NWD1: variants seen among roughly 807,000 people sequenced by gnomAD.
NWD1 encodes the protein NACHT domain- and WD repeat-containing protein 1.
A neutral mutation model predicts 135.1 loss-of-function variants in NWD1; 129 were observed. The ratio of observed to expected loss-of-function variants is 0.96; its 90% CI spans 0.83 to 1.11. The LOEUF (loss-of-function observed/expected upper bound fraction) is 1.11, where lower values mean the gene tolerates loss of function less well. Among genes scored for constraint, NWD1 ranks in the 50% least tolerant of loss-of-function variants. NWD1 has a pLI of 0.00. For synonymous variants in NWD1, 773 were observed against 786.0 expected (o/e 0.98, Z 0.28); for missense variants, 1,740 against 1,851.3 (o/e 0.94, Z 1.10).
chr19:16,757,236 C>G (rs1017313262), intron 6 of NWD1, among the ~76,000 whole-genome samples: 1 of 152,060 alleles, frequency 6.6e-6, no homozygotes, highest in African/African-American at 2.4e-5. Context: ...GGACTGCTGC[C>G]CTACAACACA....
intron 12 of NWD1, among the ~76,000 whole-genome samples, chr19:16,781,069 G>A (rs1414743795): frequency 1.3e-5 from 2 of 152,150 alleles, no homozygotes; most frequent in Non-Finnish European, 2.9e-5. Flanking sequence ...CAGATCCTAA[G>A]TAAGGTTGTT....
At chr19:16,785,075 G>T (rs1277491503) in intron 12 of NWD1, among the ~76,000 whole-genome samples, 1 of 152,070 alleles carries the variant, frequency 6.6e-6, no homozygotes, top group Non-Finnish European at 1.5e-5. Context: ...GTGGCCAGGG[G>T]TTAGGGGAGG....
In NWD1 at chr19:16,742,393, A is replaced by C. The variant is rs565931347; in HGVS notation, c.199-2028A>C. ...CCATCTCAAAAAAATAAAATAAATAATAAATAAATAAATATCTGTGGGCTG... is the reference window on the plus strand; with the variant it reads ...CCATCTCAAAAAAATAAAATAAATACTAAATAAATAAATATCTGTGGGCTG... On this transcript the variant is annotated intron_variant, in intron 4 of 18. Coordinates refer to ENST00000524140, the MANE Select transcript of NWD1 (RefSeq NM_001007525.5). Among the ~76,000 whole-genome samples, 4 of 152,112 alleles carry C rather than the reference A, an allele frequency of 2.6e-5. No homozygotes were observed. The East Asian group carries it at 7.7e-4, about 29-fold the overall frequency.
intron 13 of NWD1, among the ~76,000 whole-genome samples, chr19:16,789,713 TCTC>T (rs1970175261): frequency 7.3e-6 from 1 of 136,450 alleles, no homozygotes; most frequent in Non-Finnish European, 1.6e-5. Context: ...CTCTCCTCTC[TCTC>T]TTTTTTTTTT....
At chr19:16,793,168 TACA>T (rs1356600265) in intron 14 of NWD1, among the ~76,000 whole-genome samples, 3 of 152,138 alleles carry the variant, frequency 2.0e-5, no homozygotes, top group Admixed American at 2.0e-4. Flanking sequence ...AGGTACCAAA[TACA>T]ACAACGAAAG....
Position 16,731,215 on chromosome 19 carries a change from C to A in NWD1, c.18C>A (p.Pro6=), listed in dbSNP as rs1967546613. 6.5e-7 allele frequency: 1 copy of A among 1,534,158 alleles called. No homozygotes were observed. Among genetic ancestry groups the A allele is most frequent in the Non-Finnish European group, 8.7e-7 (1 of 1,145,132 alleles). ...AGATATGGATGCAGAGAGGGAAGCC[C>A]TGCAGAGCACTGCCTACCCTGAAGT... is the stretch of plus-strand genomic sequence containing the variant. The part of the protein sequence containing the change: MQRGK[P]CRALPTLKCQ... Residue 6 remains proline (P), a synonymous_variant, in exon 3 of 19, where the codon CCC becomes CCA. Coordinates refer to ENST00000524140, the MANE Select transcript of NWD1 (RefSeq NM_001007525.5).
Position 16,750,054 on chromosome 19 carries a change from G to T in NWD1, c.1412G>T (p.Gly471Val). Reference sequence around the variant, plus strand: ...CACCTCATCCTCTCAGCTTGCTCGGGGGCACTGGGGGTTTTGGACACCTTG... The same window carrying T: ...CACCTCATCCTCTCAGCTTGCTCGGTGGCACTGGGGGTTTTGGACACCTTG... ...RVHLILSACS[G>V]ALGVLDTLQR... The change falls in exon 6 of 19, where the codon GGG becomes GTG. Residue 471 changes from glycine (G) to valine (V), a missense_variant. Gly to Val is a moderately radical substitution (Grantham distance 109). Coordinates refer to ENST00000524140, the MANE Select transcript of NWD1 (RefSeq NM_001007525.5). 6.2e-7 allele frequency: 1 copy of T among 1,613,914 alleles called. No individual in the cohort carries two copies.
intron 6 of NWD1, among the ~76,000 whole-genome samples, chr19:16,754,815 C>CATCA (rs1968725748): frequency 6.6e-6 from 1 of 151,860 alleles, no homozygotes; most frequent in African/African-American, 2.4e-5. Flanking sequence ...TCCATCCATC[C>CATCA]ATCCACACAT....
At chr19:16,781,189 C>T (rs773926) in intron 12 of NWD1, among the ~76,000 whole-genome samples, 13,909 of 152,116 alleles carry the variant, frequency 0.091, 1,082 homozygotes, top group African/African-American at 0.21. Context: ...AGACGAGGGT[C>T]GGGACTAGGA....
rs555481976 is a variant in NWD1, at chr19:16,749,383, C to T, written c.741C>T (p.Ser247=). The part of the protein sequence containing the change: ...GVLKTHRLPW[S]RDLVNPKNKT... ...TCAAGACCCACCGCCTGCCGTGGAG[C>T]CGCGACTTGGTGAACCCCAAGAACA... The change falls in exon 6 of 19, where the codon AGC becomes AGT. Residue 247 remains serine (S), a synonymous_variant. Transcript: ENST00000524140. 2 of 1,613,812 alleles carry T rather than the reference C, an allele frequency of 1.2e-6. No individual in the cohort carries two copies. Among genetic ancestry groups the T allele is most frequent in the African/African-American group, 1.3e-5 (1 of 75,026 alleles).
Position 16,747,556 on chromosome 19 carries a change from A to G in NWD1, c.497-1583A>G, listed in dbSNP as rs1025835267. The stretch of plus-strand genomic sequence containing the variant: ...CACAGGTGGCTAACTTATTTTTTGT[A>G]GAGACGGGGTTTTGCCGTTTTGCAC... On this transcript the variant is annotated intron_variant, in intron 5 of 18. Coordinates refer to ENST00000524140, the MANE Select transcript of NWD1 (RefSeq NM_001007525.5). 5.9e-5 allele frequency among the ~76,000 whole-genome samples: 9 copies of G among 151,414 alleles called. No homozygotes were observed. The East Asian group carries it at 7.8e-4, about 13-fold the overall frequency.
intron 5 of NWD1, among the ~76,000 whole-genome samples, chr19:16,747,276 C>T (rs903334656): frequency 4.6e-5 from 7 of 151,196 alleles, no homozygotes; most frequent in Non-Finnish European, 7.4e-5. Flanking sequence ...ACCTCTTGAT[C>T]GGCCCGCCTT....
rs1968213234 is a variant in NWD1, at chr19:16,744,411, T to A, written c.199-10T>A. 6.5e-7 allele frequency: 1 copy of A among 1,535,298 alleles called. No homozygotes were observed. Among genetic ancestry groups the A allele is most frequent in the African/African-American group, 1.4e-5 (1 of 73,004 alleles). ...AGTGAGATTTGAATCTGTGACTTCCTCTCTGCCAGGCCCTCATCGGTGATC... is the reference window on the plus strand; with the variant it reads ...AGTGAGATTTGAATCTGTGACTTCCACTCTGCCAGGCCCTCATCGGTGATC... On this transcript the variant is annotated splice_polypyrimidine_tract_variant and intron_variant, in intron 4 of 18. Transcript: ENST00000524140.
intron 17 of NWD1, among the ~76,000 whole-genome samples, chr19:16,800,863 G>T (rs73523404): frequency 1.4e-4 from 22 of 152,260 alleles, no homozygotes; most frequent in African/African-American, 5.3e-4. Flanking sequence ...GGCTGGCCAT[G>T]GTGGCTTAAA....
rs769717910 is a variant in NWD1, at chr19:16,749,879, G to GT, written c.1238dup (p.Val414GlyfsTer28). On this transcript the variant is annotated frameshift_variant, in exon 6 of 19. Coordinates refer to ENST00000524140, the MANE Select transcript of NWD1 (RefSeq NM_001007525.5). LOFTEE classifies it high-confidence loss of function. ...CCAGGTTCTGGACGCCCACACCAGG[G>GT]TGGTCCAGTTTTTCCATACCCTCCT... The GT allele has an allele frequency of 1.2e-6, 2 of 1,613,430 alleles. No homozygotes were observed. Among genetic ancestry groups the GT allele is most frequent in the East Asian group, 4.5e-5 (2 of 44,878 alleles).
At chr19:16,801,279 C>CAA in intron 17 of NWD1, 1 of 148,390 alleles carries the variant, frequency 6.7e-6, no homozygotes, top group Non-Finnish European at 1.5e-5. Flanking sequence ...AACTCTGTCT[C>CAA]AAAAAAAAAA....
At chr19:16,773,575 TC>T (rs1568369244) in intron 11 of NWD1, among the ~76,000 whole-genome samples, 1 of 152,084 alleles carries the variant, frequency 6.6e-6, no homozygotes, top group Non-Finnish European at 1.5e-5. Flanking sequence ...GCTTCCCATC[TC>T]CAAGGGATTG....
At chr19:16,742,811 C>G in intron 4 of NWD1, among the ~76,000 whole-genome samples, 1 of 151,684 alleles carries the variant, frequency 6.6e-6, no homozygotes, top group East Asian at 1.9e-4. Context: ...GCTGGGACTA[C>G]AGGCATGTGC....
In NWD1 at chr19:16,773,226, G is replaced by A; in HGVS notation, c.2511G>A (p.Trp837Ter). 1.9e-6 allele frequency: 3 copies of A among 1,613,788 alleles called. No individual in the cohort carries two copies. The highest frequency in any genetic ancestry group is 1.3e-5 in the African/African-American group (1 of 75,054). Residue 837 changes from tryptophan to a stop codon, truncating the protein, a stop_gained, in exon 11 of 19, where the codon TGG becomes TGA. Coordinates refer to ENST00000524140, the MANE Select transcript of NWD1 (RefSeq NM_001007525.5). LOFTEE classifies it high-confidence loss of function. ...VGQLCQQAQS[W>*]FQLCAHPVLV... is the part of the protein sequence containing the mutation. Reference sequence around the variant, plus strand: ...AGCTATGCCAACAGGCCCAGAGCTGGTTCCAGTTGTGCGCACACCCTGTGC... The same window carrying A: ...AGCTATGCCAACAGGCCCAGAGCTGATTCCAGTTGTGCGCACACCCTGTGC...
Sources: gnomAD v4.1 joint callset for allele counts (sites outside exome capture counted in the v4.1 genomes callset) on GRCh38, gnomAD v4.1.1 for gene constraint, MANE v1.5 for transcripts, NCBI Gene and HGNC (gene_info 2026-07-23, HGNC 2026-07-21) for gene names.